PDE4D: variants seen among roughly 807,000 people sequenced by gnomAD.
PDE4D encodes the protein phosphodiesterase 4D, also known as 3',5'-cyclic-AMP phosphodiesterase 4D.
Under a neutral mutation model 87.4 loss-of-function variants are expected in PDE4D, and 24 were observed. The ratio of observed to expected loss-of-function variants is 0.27; its 90% CI spans 0.20 to 0.39. The LOEUF is 0.39. Ranked by LOEUF, PDE4D falls within the 10% of genes least tolerant of loss-of-function variation. The pLI, the probability that PDE4D is intolerant of heterozygous loss-of-function variation, is 1.00. For synonymous variants in PDE4D, 384 were observed against 383.2 expected (o/e 1.00, Z -0.02); for missense variants, 714 against 1,041.0 (o/e 0.69, Z 4.32).
At chr5:59,656,453 C>T (rs1373224169) in intron 1 of PDE4D, among the ~76,000 whole-genome samples, 1 of 152,194 alleles carries the variant, frequency 6.6e-6, no homozygotes, top group Non-Finnish European at 1.5e-5. Flanking sequence ...TCAAGATATG[C>T]TTTCAATCTT....
chr5:60,095,353 A>G (rs1775568499), intron 2 of PDE4D, among the ~76,000 whole-genome samples: 1 of 152,152 alleles, frequency 6.6e-6, no homozygotes, highest in African/African-American at 2.4e-5. Flanking sequence ...TTCTAGCTTC[A>G]TCGATGTCCC....
intron 1 of PDE4D, among the ~76,000 whole-genome samples, chr5:59,416,484 C>G (rs898427185): frequency 6.6e-6 from 1 of 152,052 alleles, no homozygotes; most frequent in Non-Finnish European, 1.5e-5. Flanking sequence ...GATGTTTGCT[C>G]TACTAAGAGT....
intron 1 of PDE4D, among the ~76,000 whole-genome samples, chr5:59,381,079 T>G (rs1449567267): frequency 6.6e-6 from 1 of 152,156 alleles, no homozygotes; most frequent in Non-Finnish European, 1.5e-5. Context: ...GATAATTAGA[T>G]TGGATGCCAT....
intron 2 of PDE4D, chr5:60,021,202 T>C (rs1337590680): frequency 6.6e-6 from 1 of 152,162 alleles, no homozygotes; most frequent in Non-Finnish European, 1.5e-5. Flanking sequence ...AGAGTCTCTA[T>C]GTCATAATAG....
At chr5:60,152,574 A>C (rs1781604078) in intron 2 of PDE4D, among the ~76,000 whole-genome samples, 1 of 150,896 alleles carries the variant, frequency 6.6e-6, no homozygotes, top group African/African-American at 2.4e-5. Context: ...AATAGTGTGA[A>C]CCCAGGAGGC....
intron 2 of PDE4D, among the ~76,000 whole-genome samples, chr5:60,108,869 T>C (rs1357170666): frequency 6.6e-6 from 1 of 151,960 alleles, no homozygotes; most frequent in African/African-American, 2.4e-5. Context: ...TCAAGATGGA[T>C]TAAAGACTTA....
intron 1 of PDE4D, among the ~76,000 whole-genome samples, chr5:60,203,420 C>T (rs1399493169): frequency 6.6e-6 from 1 of 152,132 alleles, no homozygotes. Context: ...GCACAGATTA[C>T]AAAACTGTAT....
intron 1 of PDE4D, among the ~76,000 whole-genome samples, chr5:60,228,455 A>G: frequency 6.6e-6 from 1 of 152,150 alleles, no homozygotes; most frequent in Admixed American, 6.6e-5. Context: ...ATCACATGCC[A>G]TTTGAATGAA....
At chr5:59,178,718 C>T (rs1418101430) in intron 5 of PDE4D, among the ~76,000 whole-genome samples, 1 of 152,228 alleles carries the variant, frequency 6.6e-6, no homozygotes, top group Non-Finnish European at 1.5e-5. Flanking sequence ...GCTGCTCCAC[C>T]TGTGAGGCCA....
chr5:60,320,916 T>TA (rs1450132075), intron 1 of PDE4D, among the ~76,000 whole-genome samples: 2 of 151,802 alleles, frequency 1.3e-5, no homozygotes, highest in South Asian at 2.1e-4. Flanking sequence ...CACAATCCAA[T>TA]AAAAAAAATT....
chr5:60,194,706 C>T (rs892526607), intron 1 of PDE4D, among the ~76,000 whole-genome samples: 11 of 151,602 alleles, frequency 7.3e-5, no homozygotes, highest in Admixed American at 2.0e-4. Flanking sequence ...GTTTTAGCTG[C>T]CATGTGTATA....
Position 59,616,945 on chromosome 5 carries a change from A to ATATATATATATATATATC in PDE4D, c.455+276222_455+276223insGATATATATATATATATA, listed in dbSNP as rs936160133. 1.2e-3 allele frequency among the ~76,000 whole-genome samples: 166 copies of ATATATATATATATATATC among 137,234 alleles called. 1 individual carries two copies. The highest frequency in any genetic ancestry group is 1.8e-3 in the Non-Finnish European group (114 of 63,402). 90.0% of individuals were successfully genotyped at this position (137,234 alleles called of 152,430 possible). ...TATATATATATATATATATATATAT[A>ATATATATATATATATATC]TCTCCAAGATTTTAAAGTATTAGGT... is the stretch of plus-strand genomic sequence containing the variant. On this transcript the variant is annotated intron_variant, in intron 1 of 14. Coordinates refer to ENST00000340635, the MANE Select transcript of PDE4D (RefSeq NM_001104631.2).
chr5:60,434,495 G>C (rs1362113037), intron 1 of PDE4D, among the ~76,000 whole-genome samples: 4 of 151,898 alleles, frequency 2.6e-5, no homozygotes, highest in African/African-American at 7.3e-5. Flanking sequence ...GAATTGTATA[G>C]ATTACTCTAA....
At chr5:59,953,061 T>C (rs994270063) in intron 3 of PDE4D, among the ~76,000 whole-genome samples, 4 of 152,104 alleles carry the variant, frequency 2.6e-5, no homozygotes, top group Non-Finnish European at 4.4e-5. Context: ...TACTCTTATC[T>C]TCTACTTGGA....
At chr5:60,364,310 A>T (rs1286185091) in intron 1 of PDE4D, among the ~76,000 whole-genome samples, 5 of 152,186 alleles carry the variant, frequency 3.3e-5, no homozygotes. Context: ...TCAGAAGATC[A>T]TTGTCAACTA....
chr5:60,059,349 G>C (rs1771144951), intron 2 of PDE4D, among the ~76,000 whole-genome samples: 1 of 151,870 alleles, frequency 6.6e-6, no homozygotes, highest in African/African-American at 2.4e-5. Context: ...AATATCTTGT[G>C]TGAACTACCT....
At chr5:60,034,419 C>G (rs1173127454) in intron 2 of PDE4D, among the ~76,000 whole-genome samples, 1 of 152,148 alleles carries the variant, frequency 6.6e-6, no homozygotes, top group Non-Finnish European at 1.5e-5. Context: ...TAGAGGCTTT[C>G]AGCATTGCAT....
intron 5 of PDE4D, among the ~76,000 whole-genome samples, chr5:59,101,867 A>G (rs932576520): frequency 6.6e-6 from 1 of 152,160 alleles, no homozygotes; most frequent in African/African-American, 2.4e-5. Context: ...GCCATAGGAC[A>G]CAGTACCAGT....
At chr5:59,001,269 A>G (rs1274342573) in intron 6 of PDE4D, among the ~76,000 whole-genome samples, 1 of 152,114 alleles carries the variant, frequency 6.6e-6, no homozygotes. Flanking sequence ...TCCATCTCAA[A>G]GCCTGTGCTT....
Sources: allele counts gnomAD v4.1 joint callset (sites outside exome capture counted in the v4.1 genomes callset), GRCh38; gene constraint gnomAD v4.1.1; transcripts MANE v1.5; gene names NCBI Gene and HGNC (gene_info 2026-07-23, HGNC 2026-07-21).